Variants in JARID2 observed in about 807,000 individuals in gnomAD.
The protein encoded by JARID2 is jumonji and AT-rich interaction domain containing 2, also known as protein Jumonji.
A neutral mutation model predicts 125.6 loss-of-function variants in JARID2; 21 were observed. The ratio of observed to expected loss-of-function variants is 0.17; its 90% CI spans 0.12 to 0.24. JARID2 has a LOEUF of 0.24. Ranked by LOEUF, JARID2 falls within the 10% of genes least tolerant of loss-of-function variation. JARID2 has a pLI of 1.00. For synonymous variants in JARID2, 736 were observed against 661.6 expected (o/e 1.11, Z -1.73); for missense variants, 1,303 against 1,639.6 (o/e 0.79, Z 3.55).
In JARID2 at chr6:15,508,765, TTTTTG is replaced by T. The variant is rs879327689; in HGVS notation, c.2846+325_2846+329del. Among the ~76,000 whole-genome samples, 19 of 152,306 alleles carry T rather than the reference TTTTTG, an allele frequency of 1.2e-4. No individual in the cohort carries two copies. The East Asian group carries it at 3.1e-3, about 25-fold the overall frequency. ...CTTAAGAATTACCTACTTACGTCTG[TTTTTG>T]TTTTGTTTTGTTTCGTTTTGTTTTG... On this transcript the variant is annotated intron_variant, in intron 12 of 17. Transcript: ENST00000341776.
At chr6:15,482,182 G>A (rs1014002751) in intron 5 of JARID2, among the ~76,000 whole-genome samples, 2 of 152,184 alleles carry the variant, frequency 1.3e-5, no homozygotes, top group African/African-American at 4.8e-5. Flanking sequence ...ATTTATCACC[G>A]AACAGGTGAC....
intron 3 of JARID2, among the ~76,000 whole-genome samples, chr6:15,433,280 C>T (rs1051235908): frequency 1.3e-5 from 2 of 152,126 alleles, no homozygotes; most frequent in Admixed American, 1.3e-4. Context: ...ATGTTTCCTT[C>T]CTCAGCTTGT....
At chr6:15,444,284 A>G (rs1456383440) in intron 3 of JARID2, among the ~76,000 whole-genome samples, 1 of 152,178 alleles carries the variant, frequency 6.6e-6, no homozygotes, top group Non-Finnish European at 1.5e-5. Flanking sequence ...TTAGAAGGAT[A>G]TGGTCTATGC....
intron 11 of JARID2, among the ~76,000 whole-genome samples, chr6:15,508,123 C>T (rs1212380457): frequency 6.6e-6 from 1 of 152,332 alleles, no homozygotes; most frequent in East Asian, 1.9e-4. Flanking sequence ...ATGAGGCCGA[C>T]GTGCTCCTGA....
In JARID2 at chr6:15,513,098, G is replaced by A. The variant is rs914002211; in HGVS notation, c.3266+53G>A. ...AGAGCTGGACCCGGCTGCCCTTCGG[G>A]GGCTCACCCCCCGAGCAGGCCTCAC... is the stretch of plus-strand genomic sequence containing the variant. On this transcript the variant is annotated intron_variant, in intron 15 of 17. Transcript: ENST00000341776. 7 of 1,610,636 alleles carry A rather than the reference G, an allele frequency of 4.3e-6. No individual in the cohort carries two copies. In the African/African-American group the frequency reaches 8.0e-5, roughly 18 times the overall value.
At chr6:15,336,467 A>C (rs1326838674) in intron 1 of JARID2, among the ~76,000 whole-genome samples, 1 of 152,256 alleles carries the variant, frequency 6.6e-6, no homozygotes, top group Non-Finnish European at 1.5e-5. Context: ...TTTTAATTCT[A>C]CATTTAAGAC....
chr6:15,300,722 T>TGTGTGTGTGTGTGTGAGA (rs1246745065), intron 1 of JARID2, among the ~76,000 whole-genome samples: 3 of 111,118 alleles, frequency 2.7e-5, no homozygotes, highest in African/African-American at 1.1e-4. Context: ...TGTGTGTGTG[T>TGTGTGTGTGTGTGTGAGA]GAGAGAGAGA....
intron 3 of JARID2, among the ~76,000 whole-genome samples, chr6:15,418,511 G>C (rs939290074): frequency 1.3e-5 from 2 of 152,034 alleles, no homozygotes; most frequent in Non-Finnish European, 2.9e-5. Flanking sequence ...CACTGTGCCC[G>C]GTCAACTATA....
intron 1 of JARID2, among the ~76,000 whole-genome samples, chr6:15,280,953 C>G (rs969086146): frequency 6.6e-6 from 1 of 152,038 alleles, no homozygotes; most frequent in African/African-American, 2.4e-5. Context: ...TGATTTTTGC[C>G]TTTTTGTGAT....
intron 1 of JARID2, among the ~76,000 whole-genome samples, chr6:15,331,169 CA>C (rs1762694496): frequency 3.3e-5 from 5 of 151,520 alleles, no homozygotes; most frequent in Admixed American, 6.6e-5. Context: ...CCTGTCTCTA[CA>C]AAAAAATACA....
chr6:15,496,234 A>G lies in JARID2; in HGVS notation c.1009A>G (p.Lys337Glu). 6.2e-7 allele frequency: 1 copy of G among 1,614,188 alleles called. No individual in the cohort carries two copies. Among genetic ancestry groups the G allele is most frequent in the Non-Finnish European group, 8.5e-7 (1 of 1,180,042 alleles). The change falls in exon 7 of 18, where the codon AAG becomes GAG. Residue 337 changes from lysine to glutamate, a missense_variant. Physicochemically the swap from Lys to Glu is moderately conservative, Grantham distance 56. Coordinates refer to ENST00000341776, the MANE Select transcript of JARID2 (RefSeq NM_004973.4). ...EVRPSPSKTV[K>E]YTATVTKGAV... is the part of the protein sequence containing the mutation. ...CAGACCTTCACCATCCAAAACTGTG[A>G]AGTACACTGCCACGGTGACGAAGGG...
At chr6:15,369,458 T>C in intron 1 of JARID2, 1 of 291,880 alleles carries the variant, frequency 3.4e-6, no homozygotes, top group South Asian at 2.9e-5. Context: ...TCCTGTGTCC[T>C]CTATATTAAG....
At chr6:15,362,212 C>A (rs756481266) in intron 1 of JARID2, among the ~76,000 whole-genome samples, 1 of 151,760 alleles carries the variant, frequency 6.6e-6, no homozygotes, top group Non-Finnish European at 1.5e-5. Context: ...TTTAATTTGT[C>A]GAAAATATAT....
At chr6:15,283,496 TA>T in intron 1 of JARID2, among the ~76,000 whole-genome samples, 1 of 130,460 alleles carries the variant, frequency 7.7e-6, no homozygotes, top group East Asian at 2.5e-4. Flanking sequence ...ATGCACCAGC[TA>T]CGCCCGGCTA....
At chr6:15,432,886 T>C (rs11756950) in intron 3 of JARID2, among the ~76,000 whole-genome samples, 18,013 of 152,250 alleles carry the variant, frequency 0.12, 1,189 homozygotes, top group Non-Finnish European at 0.14. Flanking sequence ...TTACACCTTA[T>C]AGCATTGGCT....
chr6:15,440,819 T>G (rs1767414084), intron 3 of JARID2, among the ~76,000 whole-genome samples: 1 of 152,258 alleles, frequency 6.6e-6, no homozygotes, highest in Non-Finnish European at 1.5e-5. Context: ...GTTCATTAGC[T>G]ATTAGCAGAT....
intron 2 of JARID2, among the ~76,000 whole-genome samples, chr6:15,407,505 C>G (rs920767658): frequency 6.6e-6 from 1 of 152,162 alleles, no homozygotes; most frequent in African/African-American, 2.4e-5. Context: ...TTCATGCATT[C>G]ACCTCTTATT....
chr6:15,349,282 GA>G (rs1404782620), intron 1 of JARID2, among the ~76,000 whole-genome samples: 2 of 152,128 alleles, frequency 1.3e-5, no homozygotes. Flanking sequence ...AGATACTAAA[GA>G]AAAATGTTCC....
Position 15,451,946 on chromosome 6 carries a change from G to A in JARID2, c.324-60G>A, listed in dbSNP as rs75112609. On this transcript the variant is annotated intron_variant, in intron 3 of 17. Transcript: ENST00000341776. The stretch of plus-strand genomic sequence containing the variant: ...ATGTGTCATGATTTTATTGCCGCAC[G>A]TAGGCCTATATCCTCCAGTCTCTGC... 1.4e-3 allele frequency: 2,091 copies of A among 1,512,628 alleles called. 23 individuals are homozygous for A. The African/African-American group carries it at 0.026, about 19-fold the overall frequency. The allele number at this position is 1,512,628 out of a possible 1,614,324, so 93.7% of individuals were successfully genotyped here. A position where few individuals can be genotyped will look rare whatever the true frequency, so the allele number is the denominator to read the frequency against.
Sources: gnomAD v4.1 joint callset for allele counts (sites outside exome capture counted in the v4.1 genomes callset) on GRCh38, gnomAD v4.1.1 for gene constraint, MANE v1.5 for transcripts, NCBI Gene and HGNC (gene_info 2026-07-23, HGNC 2026-07-21) for gene names.